The following CIT variants were observed in gnomAD, a reference collection of about 807,000 sequenced individuals.
The protein encoded by CIT is citron Rho-interacting kinase.
CIT carries 79 observed loss-of-function variants against 272.7 expected under a neutral mutation model. The ratio of observed to expected loss-of-function variants is 0.29; its 90% CI spans 0.24 to 0.35. CIT has a LOEUF of 0.35. CIT is among the 10% of genes least tolerant of loss of function. The pLI is 1.00. For missense variants in CIT, 1,909 were observed against 2,618.3 expected (o/e 0.73, Z 5.91); for synonymous variants, 948 against 995.6 (o/e 0.95, Z 0.90).
At chr12:119,688,313 C>G in intron 47 of CIT, 58 bp from the exon 48 acceptor site, 1 of 1,534,314 alleles carries the variant, frequency 6.5e-7, no homozygotes, top group Non-Finnish European at 9.0e-7. Context: ...GCTGTGCTCA[C>G]CTTGCATGAT....
intron 17 of CIT, among the ~76,000 whole-genome samples, 154 bp downstream of exon 17, chr12:119,772,616 G>A (rs1260429968): frequency 5.3e-5 from 8 of 152,220 alleles, no homozygotes; most frequent in African/African-American, 1.2e-4. Flanking sequence ...CCCCTGGGGG[G>A]AAATGATTCC....
At chr12:119,870,970 T>A (rs921327665) in intron 2 of CIT, among the ~76,000 whole-genome samples, 1 of 151,836 alleles carries the variant, frequency 6.6e-6, no homozygotes, top group Non-Finnish European at 1.5e-5. Flanking sequence ...AATGCAAACA[T>A]TAGCCGGGCG....
At chr12:119,761,903 AAAC>A (rs901272864) in intron 19 of CIT, among the ~76,000 whole-genome samples, 12 of 152,214 alleles carry the variant, frequency 7.9e-5, no homozygotes. Context: ...CGAGTTGCCA[AAAC>A]AACAAGCAAA....
intron 40 of CIT, among the ~76,000 whole-genome samples, chr12:119,706,169 G>A (rs888454522): frequency 2.6e-5 from 4 of 152,096 alleles, no homozygotes; most frequent in South Asian, 2.1e-4. Context: ...GTCAAAATGC[G>A]ATGGTTTTCA....
In CIT at chr12:119,710,699, C is replaced by A; in HGVS notation, c.4855-79G>T. On this transcript the variant is annotated intron_variant, in intron 37 of 47. Coordinates refer to ENST00000392521, the MANE Select transcript of CIT (RefSeq NM_001206999.2). The surrounding 1 kb of genome is among the most constrained non-coding windows in gnomAD (Gnocchi z 5.6). ...TTATGACCAAACCATCCAGAGAAAC[C>A]AAGAGAAGGTTAAGGCCAAGTTATT... is the stretch of plus-strand genomic sequence containing the variant. 1 of 1,371,788 alleles carries A rather than the reference C, an allele frequency of 7.3e-7. No homozygotes were observed. The highest frequency in any genetic ancestry group is 2.3e-5 in the East Asian group (1 of 43,724). The allele number at this position is 1,371,788 out of a possible 1,614,324, so 85.0% of individuals were successfully genotyped here. A position where few individuals can be genotyped will look rare whatever the true frequency, so the allele number is the denominator to read the frequency against.
In CIT at chr12:119,720,486, T is replaced by G; in HGVS notation, c.3832A>C (p.Lys1278Gln). The change falls in exon 30 of 48, where the codon AAG becomes CAG. Residue 1278 changes from lysine (K) to glutamine (Q), a missense_variant. Lys to Gln is a moderately conservative substitution (Grantham distance 53). Coordinates refer to ENST00000392521, the MANE Select transcript of CIT (RefSeq NM_001206999.2). ...CAAACACTTTGACTCACCTTTTTCT[T>G]TTTAGCAGGTTGGTCCATTTTGGCT... Reference protein sequence around the residue: ...LQAKMDQPAKKKKGLFSRRKE... With the variant: ...LQAKMDQPAKQKKGLFSRRKE... 3 of 1,606,942 alleles carry G rather than the reference T, an allele frequency of 1.9e-6. No homozygotes were observed. The highest frequency in any genetic ancestry group is 8.5e-7 in the Non-Finnish European group (1 of 1,177,586).
chr12:119,770,966 C>A lies in CIT; in HGVS notation c.2083-56G>T. 1 of 1,582,908 alleles carries A rather than the reference C, an allele frequency of 6.3e-7. No individual in the cohort carries two copies. ...AATGGAGTAACCGCTATGGGCATAA[C>A]ACCTGCACCGAGGGAAAGAGCCCTC... On this transcript the variant is annotated intron_variant, in intron 17 of 47. Coordinates refer to ENST00000392521, the MANE Select transcript of CIT (RefSeq NM_001206999.2). This position sits in a 1 kb window ranked among gnomAD's most constrained non-coding sequence, Gnocchi z 4.4.
At chr12:119,863,097 G>A (rs1281511517) in intron 3 of CIT, among the ~76,000 whole-genome samples, 1 of 148,868 alleles carries the variant, frequency 6.7e-6, no homozygotes, top group African/African-American at 2.5e-5. Context: ...AGCTACTCAG[G>A]AGGCTAAGGC....
At chr12:119,700,635 C>A (rs922778064) in intron 44 of CIT, 110 bp downstream of exon 44, 13 of 882,190 alleles carry the variant, frequency 1.5e-5, no homozygotes, top group Non-Finnish European at 2.5e-5. Flanking sequence ...CCCGCCTCGG[C>A]CTCCCAAAGT....
chr12:119,774,497 TAAG>T (rs1445924493), intron 16 of CIT, among the ~76,000 whole-genome samples: 2 of 152,056 alleles, frequency 1.3e-5, no homozygotes, highest in South Asian at 2.1e-4. Flanking sequence ...ACAAAAAATA[TAAG>T]AAGAATGTGA....
rs115940810 is a variant in CIT at position 119,803,441 on chromosome 12, G to A, written c.1112-52C>T. ...GCGGGGAGGAAAAAAAATTTCAGCC[G>A]GATTCAACACTGTTGCGGAGAAGAT... On this transcript the variant is annotated intron_variant, in intron 9 of 47. Transcript: ENST00000392521. The A allele has an allele frequency of 1.3e-3, 1,740 of 1,312,978 alleles. 16 individuals are homozygous for A. The African/African-American group carries it at 0.022, about 16-fold the overall frequency. 81.3% of individuals were successfully genotyped at this position (1,312,978 alleles called of 1,614,324 possible). A position where few individuals can be genotyped will look rare whatever the true frequency, so the allele number is the denominator to read the frequency against.
chr12:119,695,408 A>G (rs1158905510), intron 46 of CIT, among the ~76,000 whole-genome samples: 1 of 152,154 alleles, frequency 6.6e-6, no homozygotes, highest in Admixed American at 6.5e-5. Context: ...CTGACTGTAC[A>G]TTTGGTTGTA....
chr12:119,865,008 G>C (rs2141835), intron 3 of CIT, among the ~76,000 whole-genome samples: 118,040 of 152,066 alleles, frequency 0.78, 46,033 homozygotes, highest in East Asian at 0.96. Flanking sequence ...AAGCAGCTGA[G>C]GGACCCTTCT....
At position 119,701,695 on chromosome 12, in the gene CIT, T is replaced by C. The variant is rs766223378; in HGVS notation, c.5471A>G (p.Asn1824Ser). 2.5e-6 allele frequency: 4 copies of C among 1,614,194 alleles called. No homozygotes were observed. The highest frequency in any genetic ancestry group is 4.5e-5 in the East Asian group (2 of 44,876). ...LAPAVFAASS[N>S]SFPVSIVQVN... ...CTGCACGATTGAGACAGGGAAGCTG[T>C]TGGAAGAGGCGGCAAACACAGCAGG... The change falls in exon 43 of 48, where the codon AAC becomes AGC. Residue 1824 changes from asparagine (N) to serine (S), a missense_variant. By Grantham distance (46) the Asn-to-Ser change is conservative. Coordinates refer to ENST00000392521, the MANE Select transcript of CIT (RefSeq NM_001206999.2).
rs1216036889 is a variant in CIT, at chr12:119,687,281, G to A, written c.*951C>T. 1 of 152,658 alleles carries A rather than the reference G, an allele frequency of 6.6e-6. No homozygotes were observed. The highest frequency in any genetic ancestry group is 1.5e-5 in the Non-Finnish European group (1 of 68,108). The allele number at this position is 152,658 out of a possible 1,614,324, so 9.5% of individuals were successfully genotyped here. Reference sequence around the variant, plus strand: ...CGACGGGCCTCTTCCCCATCCCAGAGTGGGGAACAACACGCCGTCACAGAC... The same window carrying A: ...CGACGGGCCTCTTCCCCATCCCAGAATGGGGAACAACACGCCGTCACAGAC... On this transcript the variant is annotated 3_prime_UTR_variant, in exon 48 of 48. Coordinates refer to ENST00000392521, the MANE Select transcript of CIT (RefSeq NM_001206999.2).
chr12:119,738,596 G>C (rs1483590330), intron 24 of CIT, among the ~76,000 whole-genome samples: 4 of 145,200 alleles, frequency 2.8e-5, no homozygotes, highest in African/African-American at 1.0e-4. Flanking sequence ...TAAAAAAAAA[G>C]ATCTAAGCTG....
At chr12:119,740,379 A>C (rs1485557419) in intron 24 of CIT, among the ~76,000 whole-genome samples, 1 of 152,218 alleles carries the variant, frequency 6.6e-6, no homozygotes, top group Non-Finnish European at 1.5e-5. Context: ...GAATACAATA[A>C]ATATTTTGTT....
chr12:119,791,330 G>A (rs1965290471), intron 10 of CIT, among the ~76,000 whole-genome samples: 1 of 152,262 alleles, frequency 6.6e-6, no homozygotes, highest in South Asian at 2.1e-4. Flanking sequence ...CTAAGAAGCT[G>A]ACTCCAAGCC....
Position 119,784,693 on chromosome 12 carries a change from C to G in CIT, c.1401+267G>C, listed in dbSNP as rs1964608640. 2 of 1,314,884 alleles carry G rather than the reference C, an allele frequency of 1.5e-6. No homozygotes were observed. Among genetic ancestry groups the G allele is most frequent in the Middle Eastern group, 2.9e-4 (1 of 3,436 alleles). The allele number at this position is 1,314,884 out of a possible 1,614,324, so 81.5% of individuals were successfully genotyped here. Reference sequence around the variant, plus strand: ...GACCCAGGCCACCTGCCGGAAGAAGCAGACATCTGGCTGGGTCATGCTGAG... The same window carrying G: ...GACCCAGGCCACCTGCCGGAAGAAGGAGACATCTGGCTGGGTCATGCTGAG... On this transcript the variant is annotated intron_variant, in intron 11 of 47. Transcript: ENST00000392521. The surrounding 1 kb of genome is among the most constrained non-coding windows in gnomAD (Gnocchi z 4.7).
Sources: allele counts gnomAD v4.1 joint callset (sites outside exome capture counted in the v4.1 genomes callset), GRCh38; gene constraint gnomAD v4.1.1; non-coding constraint Gnocchi (gnomAD v3.1); transcripts MANE v1.5; gene names NCBI Gene and HGNC (gene_info 2026-07-23, HGNC 2026-07-21).